Variants in KCTD8 observed in about 807,000 individuals in gnomAD.
The protein encoded by KCTD8 is BTB/POZ domain-containing protein KCTD8.
KCTD8 carries 27 observed loss-of-function variants against 31.5 expected under a neutral mutation model. That is an observed-to-expected ratio of 0.86 (90% CI 0.63 to 1.18). The LOEUF (loss-of-function observed/expected upper bound fraction) is 1.18, where lower values mean the gene tolerates loss of function less well. KCTD8 is among the 50% of genes most tolerant of loss of function. The probability of loss-of-function intolerance (pLI) is 0.00; values close to 1 mark genes in which losing one functional copy is unlikely to be tolerated. For synonymous variants in KCTD8, 290 were observed against 280.0 expected (o/e 1.04, Z -0.36); for missense variants, 658 against 647.7 (o/e 1.02, Z -0.17).
intron 1 of KCTD8, among the ~76,000 whole-genome samples, chr4:44,185,339 T>C (rs1487234322): frequency 2.6e-5 from 4 of 152,248 alleles, no homozygotes; most frequent in Non-Finnish European, 5.9e-5. Context: ...TTATATTTCC[T>C]AACCAATTCT....
At chr4:44,285,946 T>C (rs1487976090) in intron 1 of KCTD8, among the ~76,000 whole-genome samples, 1 of 152,036 alleles carries the variant, frequency 6.6e-6, no homozygotes, top group Non-Finnish European at 1.5e-5. Flanking sequence ...GGAGTTAATA[T>C]TAAAAGATTA....
intron 1 of KCTD8, among the ~76,000 whole-genome samples, chr4:44,309,211 T>A (rs1362550380): frequency 6.9e-6 from 1 of 144,674 alleles, no homozygotes; most frequent in Non-Finnish European, 1.5e-5. Flanking sequence ...AATTTTTGTA[T>A]TTTTTTTTTT....
chr4:44,251,582 T>C (rs1715835200), intron 1 of KCTD8, among the ~76,000 whole-genome samples: 1 of 151,612 alleles, frequency 6.6e-6, no homozygotes, highest in African/African-American at 2.4e-5. Context: ...TTATAAATAA[T>C]ATTTGTCTTA....
intron 1 of KCTD8, among the ~76,000 whole-genome samples, chr4:44,336,171 A>G (rs1338763764): frequency 1.3e-5 from 2 of 149,078 alleles, no homozygotes; most frequent in Non-Finnish European, 3.0e-5. Context: ...AAAAAAAAAA[A>G]AAAAAGAAAA....
At chr4:44,230,121 T>A (rs766870487) in intron 1 of KCTD8, among the ~76,000 whole-genome samples, 1 of 152,166 alleles carries the variant, frequency 6.6e-6, no homozygotes, top group East Asian at 1.9e-4. Context: ...TTCTTTCTTT[T>A]GAGGAGGCAA....
At chr4:44,232,506 C>A (rs889237412) in intron 1 of KCTD8, among the ~76,000 whole-genome samples, 3 of 152,100 alleles carry the variant, frequency 2.0e-5, no homozygotes, top group Non-Finnish European at 2.9e-5. Flanking sequence ...GTCATTAGAG[C>A]ACTTCGGTTT....
intron 1 of KCTD8, among the ~76,000 whole-genome samples, chr4:44,385,036 C>T (rs1720173320): frequency 1.3e-5 from 2 of 150,612 alleles, no homozygotes; most frequent in Admixed American, 6.6e-5. Context: ...AGGTGAAAGA[C>T]TTATACATTA....
chr4:44,376,540 C>A (rs551560871), intron 1 of KCTD8, among the ~76,000 whole-genome samples: 72 of 152,280 alleles, frequency 4.7e-4, no homozygotes, highest in African/African-American at 1.7e-3. Context: ...ATGTTTTCTA[C>A]TGGGACCAAG....
intron 1 of KCTD8, among the ~76,000 whole-genome samples, chr4:44,383,828 A>G (rs1392077042): frequency 6.6e-6 from 1 of 152,010 alleles, no homozygotes; most frequent in Non-Finnish European, 1.5e-5. Flanking sequence ...AGACAAAGTT[A>G]TATCAAACTA....
rs58754915 is a variant in KCTD8 at position 44,283,025 on chromosome 4, TTTATTATTATTATTATTATTATTA to T, written c.962-107799_962-107776del. Among the ~76,000 whole-genome samples, 539 of 136,316 alleles carry T rather than the reference TTTATTATTATTATTATTATTATTA, an allele frequency of 4.0e-3. 4 individuals are homozygous for T. Among genetic ancestry groups the T allele is most frequent in the Non-Finnish European group, 6.5e-3 (416 of 64,406 alleles). The allele number at this position is 136,316 out of a possible 152,430, so 89.4% of individuals were successfully genotyped here. On this transcript the variant is annotated intron_variant, in intron 1 of 1. Transcript: ENST00000360029. ...GAAAGTGGCTACAAAAACAACACAT[TTTATTATTATTATTATTATTATTA>T]TTATTATTATTATTATTATTATTAT...
intron 1 of KCTD8, among the ~76,000 whole-genome samples, chr4:44,357,415 T>C (rs1349810614): frequency 6.6e-6 from 1 of 152,158 alleles, no homozygotes; most frequent in Non-Finnish European, 1.5e-5. Context: ...TCCCGTAAGA[T>C]TAATTCAAGA....
chr4:44,388,788 C>A (rs1033144586), intron 1 of KCTD8, among the ~76,000 whole-genome samples: 1 of 151,694 alleles, frequency 6.6e-6, no homozygotes, highest in African/African-American at 2.4e-5. Flanking sequence ...ATAATCTGCA[C>A]AACAAACCCC....
chr4:44,408,076 T>C (rs1720846850), intron 1 of KCTD8, among the ~76,000 whole-genome samples: 1 of 152,190 alleles, frequency 6.6e-6, no homozygotes, highest in Non-Finnish European at 1.5e-5. Flanking sequence ...CCTAAGGATT[T>C]AGGCAACTTT....
At chr4:44,389,477 A>C (rs1054835341) in intron 1 of KCTD8, among the ~76,000 whole-genome samples, 48 of 151,926 alleles carry the variant, frequency 3.2e-4, no homozygotes, top group African/African-American at 1.2e-3. Flanking sequence ...GAAATAATTT[A>C]GTCACAGAAA....
chr4:44,323,908 T>C (rs913599201), intron 1 of KCTD8, among the ~76,000 whole-genome samples: 2 of 151,776 alleles, frequency 1.3e-5, no homozygotes, highest in Non-Finnish European at 2.9e-5. Flanking sequence ...TAGACTGTTC[T>C]AGGAGGGATA....
At chr4:44,372,998 C>A (rs1361084857) in intron 1 of KCTD8, among the ~76,000 whole-genome samples, 1 of 152,052 alleles carries the variant, frequency 6.6e-6, no homozygotes, top group Non-Finnish European at 1.5e-5. Flanking sequence ...GCATCTGTGG[C>A]TAGTAATTTC....
intron 1 of KCTD8, among the ~76,000 whole-genome samples, chr4:44,179,996 C>T (rs971291657): frequency 1.3e-5 from 2 of 152,048 alleles, no homozygotes; most frequent in African/African-American, 2.4e-5. Context: ...TTCAGTGGCC[C>T]AAAGCCACTT....
At chr4:44,186,149 A>G (rs868480112) in intron 1 of KCTD8, among the ~76,000 whole-genome samples, 1 of 152,198 alleles carries the variant, frequency 6.6e-6, no homozygotes, top group African/African-American at 2.4e-5. Flanking sequence ...ATCGAGAAGA[A>G]CACACTGGCA....
At chr4:44,237,165 T>C (rs534106815) in intron 1 of KCTD8, among the ~76,000 whole-genome samples, 2 of 152,302 alleles carry the variant, frequency 1.3e-5, no homozygotes, top group South Asian at 4.1e-4. Flanking sequence ...ATCCCTTGTT[T>C]CTACAGTATG....
Sources: allele counts gnomAD v4.1 joint callset (sites outside exome capture counted in the v4.1 genomes callset), GRCh38; gene constraint gnomAD v4.1.1; transcripts MANE v1.5; gene names NCBI Gene and HGNC (gene_info 2026-07-23, HGNC 2026-07-21).